The following FILIP1 variants were observed in gnomAD, a reference collection of about 807,000 sequenced individuals.
FILIP1 encodes the protein filamin-A-interacting protein 1.
In FILIP1, 61 loss-of-function variants were observed where a neutral mutation model predicts 102.1. The observed-to-expected ratio is 0.60, with a 90% CI of 0.49 to 0.74. The LOEUF is 0.74. FILIP1 is among the 30% of genes least tolerant of loss of function. FILIP1 has a pLI of 0.00. For missense variants in FILIP1, 1,314 were observed against 1,441.2 expected (o/e 0.91, Z 1.43); for synonymous variants, 491 against 526.9 (o/e 0.93, Z 0.93).
At chr6:75,490,569 C>G (rs561404639) in intron 1 of FILIP1, among the ~76,000 whole-genome samples, 15 of 151,788 alleles carry the variant, frequency 9.9e-5, no homozygotes, top group African/African-American at 3.6e-4. Flanking sequence ...ATAAATAGAA[C>G]CTGGCACCAA....
intron 2 of FILIP1, chr6:75,367,680 T>A (rs1775384050): frequency 1.3e-5 from 2 of 152,052 alleles, no homozygotes; most frequent in Non-Finnish European, 2.9e-5. Flanking sequence ...AAATAGTCAA[T>A]CAATAATATT....
intron 1 of FILIP1, among the ~76,000 whole-genome samples, chr6:75,466,411 T>A (rs982642641): frequency 3.9e-5 from 6 of 152,242 alleles, no homozygotes; most frequent in Non-Finnish European, 8.8e-5. Context: ...AGTTAATGAA[T>A]GGATAAATGA....
At chr6:75,426,618 G>A (rs892584181) in intron 1 of FILIP1, among the ~76,000 whole-genome samples, 3 of 152,098 alleles carry the variant, frequency 2.0e-5, no homozygotes, top group Admixed American at 2.0e-4. Flanking sequence ...CCCAAACTGG[G>A]GCTGAAATGG....
intron 6 of FILIP1, among the ~76,000 whole-genome samples, chr6:75,297,299 A>G (rs768029760): frequency 7.9e-5 from 12 of 152,200 alleles, no homozygotes; most frequent in Non-Finnish European, 1.6e-4. Flanking sequence ...ATAGGTTCAT[A>G]GTAATTACAC....
chr6:75,363,211 G>A (rs1775227223), intron 2 of FILIP1, among the ~76,000 whole-genome samples: 1 of 152,130 alleles, frequency 6.6e-6, no homozygotes, highest in African/African-American at 2.4e-5. Flanking sequence ...GGGGGAGGGA[G>A]GCAAGCAGGG....
At chr6:75,468,093 A>T (rs1779221407) in intron 1 of FILIP1, among the ~76,000 whole-genome samples, 1 of 152,180 alleles carries the variant, frequency 6.6e-6, no homozygotes, top group Non-Finnish European at 1.5e-5. Flanking sequence ...CCCCTCCCCT[A>T]CCAGGAGCTA....
chr6:75,421,468 A>G (rs1777462019), intron 1 of FILIP1, among the ~76,000 whole-genome samples: 1 of 152,142 alleles, frequency 6.6e-6, no homozygotes, highest in Non-Finnish European at 1.5e-5. Flanking sequence ...ATGAGACTTG[A>G]GTCCTGGGTG....
chr6:75,476,727 C>G (rs1456188845), intron 1 of FILIP1, among the ~76,000 whole-genome samples: 1 of 152,164 alleles, frequency 6.6e-6, no homozygotes, highest in East Asian at 1.9e-4. Context: ...ATTGAGCACC[C>G]TTTACAACCC....
intron 2 of FILIP1, among the ~76,000 whole-genome samples, chr6:75,374,189 A>T (rs773572591): frequency 3.9e-5 from 6 of 152,130 alleles, no homozygotes; most frequent in Non-Finnish European, 8.8e-5. Context: ...CTGGATTAAA[A>T]ATTAGATAAG....
chr6:75,324,170 A>C (rs1437385509), intron 4 of FILIP1, among the ~76,000 whole-genome samples: 1 of 152,192 alleles, frequency 6.6e-6, no homozygotes, highest in Admixed American at 6.5e-5. Flanking sequence ...GAAAGCTTCT[A>C]GATCTGATTA....
chr6:75,457,333 C>T (rs1778870314), intron 1 of FILIP1, among the ~76,000 whole-genome samples: 1 of 152,194 alleles, frequency 6.6e-6, no homozygotes, highest in Non-Finnish European at 1.5e-5. Context: ...ATGCACACTT[C>T]TTTATAGAAC....
intron 2 of FILIP1, among the ~76,000 whole-genome samples, chr6:75,412,488 T>C (rs182491191): frequency 1.3e-5 from 2 of 152,300 alleles, no homozygotes; most frequent in East Asian, 1.9e-4. Flanking sequence ...CATCCTTGTC[T>C]TGTGCCGGTT....
intron 4 of FILIP1, chr6:75,319,399 ACTT>A: frequency 1.6e-6 from 1 of 625,922 alleles, no homozygotes; most frequent in Non-Finnish European, 3.1e-6. Flanking sequence ...GAGTCCTTGA[ACTT>A]CTTTTTTGTC....
intron 2 of FILIP1, among the ~76,000 whole-genome samples, chr6:75,399,821 T>C (rs529518683): frequency 2.4e-4 from 37 of 152,358 alleles, no homozygotes; most frequent in Non-Finnish European, 4.1e-4. Flanking sequence ...TCATTTCATA[T>C]GTTATTTGTT....
intron 1 of FILIP1, among the ~76,000 whole-genome samples, chr6:75,444,017 G>A (rs537899742): frequency 3.0e-4 from 45 of 152,292 alleles, no homozygotes; most frequent in Non-Finnish European, 5.6e-4. Context: ...CACTATGCAT[G>A]TAGAAAGTAC....
In FILIP1 at chr6:75,314,787, T is replaced by C; in HGVS notation, c.1045A>G (p.Asn349Asp). Reference sequence around the variant, plus strand: ...TCCTCTGCCTTCTGCAGATTTTTGTTGGTCTCTTCTAGCTCCTCGATTCTT... The same window carrying C: ...TCCTCTGCCTTCTGCAGATTTTTGTCGGTCTCTTCTAGCTCCTCGATTCTT... ...TQRIEELEET[N>D]KNLQKAEEEL... The change falls in exon 5 of 6, where the codon AAC (asparagine) becomes GAC (aspartate). Residue 349 changes from asparagine to aspartate, a missense_variant. By Grantham distance (23) the Asn-to-Asp change is conservative. Coordinates refer to ENST00000237172, the MANE Select transcript of FILIP1 (RefSeq NM_015687.5). 1.9e-6 allele frequency: 3 copies of C among 1,614,094 alleles called. No individual in the cohort carries two copies. The highest frequency in any genetic ancestry group is 1.7e-6 in the Non-Finnish European group (2 of 1,180,014).
At chr6:75,429,765 G>C (rs1412557828) in intron 1 of FILIP1, among the ~76,000 whole-genome samples, 1 of 152,170 alleles carries the variant, frequency 6.6e-6, no homozygotes, top group Admixed American at 6.6e-5. Context: ...AGTTCAGGTA[G>C]AAATGAAGTC....
In FILIP1 at chr6:75,314,023, T is replaced by C. The variant is rs1773325175; in HGVS notation, c.1809A>G (p.Ile603Met). ...TTGTTATTTCTCTTTCCACTTCCTCTATACCATCAAGTCTCTTCTTTAGTA... is the reference window on the plus strand; with the variant it reads ...TTGTTATTTCTCTTTCCACTTCCTCCATACCATCAAGTCTCTTCTTTAGTA... Reference protein sequence around the residue: ...VDLLKKRLDGIEEVEREITRG... With the variant: ...VDLLKKRLDGMEEVEREITRG... Residue 603 changes from isoleucine to methionine, a missense_variant, in exon 5 of 6, where the codon ATA (isoleucine) becomes ATG (methionine). By Grantham distance (10) the Ile-to-Met change is conservative (BLOSUM62 1). This residue lies in a region of FILIP1 where 816 missense variants were observed against 913.1 expected (regional missense o/e 0.89). Transcript: ENST00000237172. 6.5e-7 allele frequency: 1 copy of C among 1,538,950 alleles called. No individual in the cohort carries two copies. The highest frequency in any genetic ancestry group is 1.3e-5 in the South Asian group (1 of 75,194).
intron 5 of FILIP1, among the ~76,000 whole-genome samples, chr6:75,310,327 CCTGT>C (rs1484052023): frequency 6.6e-6 from 1 of 152,244 alleles, no homozygotes; most frequent in African/African-American, 2.4e-5. Context: ...AGATTCCAAA[CCTGT>C]CTATTCCACT....
Sources: allele counts gnomAD v4.1 joint callset (sites outside exome capture counted in the v4.1 genomes callset), GRCh38; gene constraint gnomAD v4.1.1; regional missense constraint gnomAD v4.1.1; transcripts MANE v1.5; gene names NCBI Gene and HGNC (gene_info 2026-07-23, HGNC 2026-07-21).